The following RCSD1 variants were observed in gnomAD, a reference collection of about 807,000 sequenced individuals.
RCSD1 encodes the protein capZ-interacting protein.
In RCSD1, 26 loss-of-function variants were observed where a neutral mutation model predicts 42.5. That is an observed-to-expected ratio of 0.61 (90% CI 0.45 to 0.85). The LOEUF (loss-of-function observed/expected upper bound fraction) is 0.85, where lower values mean the gene tolerates loss of function less well. Among genes scored for constraint, RCSD1 ranks in the 40% least tolerant of loss-of-function variants. RCSD1 has a pLI of 0.00. For synonymous variants in RCSD1, 220 were observed against 212.2 expected (o/e 1.04, Z -0.32); for missense variants, 571 against 528.3 (o/e 1.08, Z -0.79).
intron 1 of RCSD1, among the ~76,000 whole-genome samples, chr1:167,683,593 G>A (rs969285553): frequency 6.6e-6 from 1 of 152,082 alleles, no homozygotes; most frequent in East Asian, 1.9e-4. Context: ...TTGCCGGTGG[G>A]GTCCTTGAGG....
chr1:167,675,174 T>C (rs892675206), intron 1 of RCSD1, among the ~76,000 whole-genome samples: 5 of 129,528 alleles, frequency 3.9e-5, no homozygotes, highest in Admixed American at 3.6e-4. Context: ...CCACTGCACT[T>C]CAGCCAGGGT....
At chr1:167,630,525 C>A in intron 1 of RCSD1, 96 bp downstream of exon 1, 4 of 1,263,360 alleles carry the variant, frequency 3.2e-6, no homozygotes, top group South Asian at 1.9e-5. Context: ...GCATGGAGCA[C>A]GCGGCTCATC....
At chr1:167,655,553 C>T (rs1002952023) in intron 1 of RCSD1, among the ~76,000 whole-genome samples, 7 of 152,196 alleles carry the variant, frequency 4.6e-5, no homozygotes, top group African/African-American at 1.7e-4. Flanking sequence ...CCCAAACCCC[C>T]TCTGGGCAAG....
At chr1:167,659,252 C>T (rs1202527350) in intron 1 of RCSD1, among the ~76,000 whole-genome samples, 2 of 152,034 alleles carry the variant, frequency 1.3e-5, no homozygotes, top group South Asian at 2.1e-4. Context: ...ATGTATTGTT[C>T]CTGTCATTAT....
At chr1:167,670,034 G>T (rs1055449663) in intron 1 of RCSD1, among the ~76,000 whole-genome samples, 3 of 152,114 alleles carry the variant, frequency 2.0e-5, no homozygotes, top group Non-Finnish European at 2.9e-5. Context: ...CTGCCTGGGA[G>T]GCAGGAATGG....
intron 1 of RCSD1, among the ~76,000 whole-genome samples, chr1:167,667,703 G>C (rs1658693568): frequency 6.6e-6 from 1 of 152,152 alleles, no homozygotes; most frequent in African/African-American, 2.4e-5. Flanking sequence ...TAGGGAGCTT[G>C]GACAAGTCAC....
rs67816313 is a variant in RCSD1 at position 167,644,488 on chromosome 1, AATACATACATACATAC to A, written c.6+14094_6+14109del. Among the ~76,000 whole-genome samples the A allele has an allele frequency of 1.9e-3, 148 of 76,764 alleles. 1 individual carries two copies. The highest frequency in any genetic ancestry group is 5.6e-3 in the Middle Eastern group (1 of 180). 50.4% of individuals were successfully genotyped at this position (76,764 alleles called of 152,430 possible). On this transcript the variant is annotated intron_variant, in intron 1 of 6. Transcript: ENST00000367854. ...GAGTGAAACTCTGTCTCAAAAAATA[AATACATACATACATAC>A]ATACATACATACATACATACATACA...
chr1:167,680,862 G>T (rs146223375), intron 1 of RCSD1, among the ~76,000 whole-genome samples: 47 of 152,364 alleles, frequency 3.1e-4, no homozygotes, highest in African/African-American at 1.1e-3. Flanking sequence ...GAGGCTAAGG[G>T]TGTCTCAGGA....
At chr1:167,645,841 G>A (rs1076696) in intron 1 of RCSD1, among the ~76,000 whole-genome samples, 20,907 of 152,190 alleles carry the variant, frequency 0.14, 1,925 homozygotes, top group Non-Finnish European at 0.19. Context: ...TGGTGCACAC[G>A]TTAGGGAGAC....
chr1:167,675,002 C>A (rs140416132), intron 1 of RCSD1, among the ~76,000 whole-genome samples: 9 of 151,970 alleles, frequency 5.9e-5, no homozygotes, highest in Non-Finnish European at 1.3e-4. Context: ...GTCAGGAGAT[C>A]AAGACCATCC....
chr1:167,701,417 T>G (rs1659643499), intron 6 of RCSD1, among the ~76,000 whole-genome samples: 1 of 151,998 alleles, frequency 6.6e-6, no homozygotes, highest in African/African-American at 2.4e-5. Flanking sequence ...GTAATTCTCC[T>G]GCCTCAGCCT....
chr1:167,681,470 C>G (rs973513263), intron 1 of RCSD1, among the ~76,000 whole-genome samples: 1 of 152,192 alleles, frequency 6.6e-6, no homozygotes, highest in Non-Finnish European at 1.5e-5. Flanking sequence ...TCCAGGAAAA[C>G]AAACTCAGAG....
chr1:167,698,598 C>A (rs1659556779), intron 6 of RCSD1, among the ~76,000 whole-genome samples: 3 of 152,016 alleles, frequency 2.0e-5, no homozygotes, highest in Non-Finnish European at 4.4e-5. Context: ...GGAAGCCCAT[C>A]TTGAGCTCAC....
chr1:167,670,870 T>C (rs1194263363), intron 1 of RCSD1, among the ~76,000 whole-genome samples: 1 of 152,138 alleles, frequency 6.6e-6, no homozygotes, highest in African/African-American at 2.4e-5. Context: ...TTTTGAGTCC[T>C]ATCAACAATC....
At chr1:167,674,387 C>T (rs1217383725) in intron 1 of RCSD1, among the ~76,000 whole-genome samples, 1 of 152,186 alleles carries the variant, frequency 6.6e-6, no homozygotes, top group Non-Finnish European at 1.5e-5. Flanking sequence ...GGAAGTAAAG[C>T]CAATTTCCCT....
chr1:167,698,456 G>A lies in RCSD1; in HGVS notation c.1218+614G>A, dbSNP rs1659553825. Among the ~76,000 whole-genome samples, 4 of 152,272 alleles carry A rather than the reference G, an allele frequency of 2.6e-5. No homozygotes were observed. In the South Asian group the frequency reaches 6.2e-4, roughly 24 times the overall value. ...AAGAAGCTGCATGTGATGTTGGGAC[G>A]TTCACTCTCTCTCAGGGATTGGGCA... On this transcript the variant is annotated intron_variant, in intron 6 of 6. Coordinates refer to ENST00000367854, the MANE Select transcript of RCSD1 (RefSeq NM_052862.4).
intron 6 of RCSD1, among the ~76,000 whole-genome samples, chr1:167,701,033 T>C (rs1016148308): frequency 3.3e-5 from 5 of 152,182 alleles, no homozygotes; most frequent in Non-Finnish European, 7.3e-5. Flanking sequence ...GCAGGCTCAC[T>C]GGTAATCTCT....
In RCSD1 at chr1:167,694,779, C is replaced by T. The variant is rs571382634; in HGVS notation, c.474+477C>T. ...TGGACTCAAATCATTCTTCCTGCAG[C>T]TTGCCCCAGTTAAAGAACATCCAAA... On this transcript the variant is annotated intron_variant, in intron 5 of 6. Transcript: ENST00000367854. 4.6e-5 allele frequency among the ~76,000 whole-genome samples: 7 copies of T among 152,324 alleles called. No individual in the cohort carries two copies. In the South Asian group the frequency reaches 1.4e-3, roughly 32 times the overall value.
At position 167,697,724 on chromosome 1, in the gene RCSD1, G is replaced by T. The variant is rs144714339; in HGVS notation, c.1100G>T (p.Gly367Val). ...GGAGATGTCCCCAAGCAGGAAAAAGGCAAGGAAAAACAACAGGAGGGGGCA... is the reference window on the plus strand; with the variant it reads ...GGAGATGTCCCCAAGCAGGAAAAAGTCAAGGAAAAACAACAGGAGGGGGCA... Reference protein sequence around the residue: ...KGGDVPKQEKGKEKQQEGAVL... With the variant: ...KGGDVPKQEKVKEKQQEGAVL... The change falls in exon 6 of 7, where the codon GGC becomes GTC. Residue 367 changes from glycine to valine, a missense_variant. Gly to Val is a moderately radical substitution (Grantham distance 109, BLOSUM62 -3). Coordinates refer to ENST00000367854, the MANE Select transcript of RCSD1 (RefSeq NM_052862.4). 9.4e-6 allele frequency: 15 copies of T among 1,588,110 alleles called. No homozygotes were observed. Among genetic ancestry groups the T allele is most frequent in the Non-Finnish European group, 1.3e-5 (15 of 1,168,902 alleles).
Sources: gnomAD v4.1 joint callset for allele counts (sites outside exome capture counted in the v4.1 genomes callset) on GRCh38, gnomAD v4.1.1 for gene constraint, MANE v1.5 for transcripts, NCBI Gene and HGNC (gene_info 2026-07-23, HGNC 2026-07-21) for gene names.